MRC2: variants seen among roughly 807,000 people sequenced by gnomAD.
MRC2 encodes the protein mannose receptor C-type 2, also known as C-type mannose receptor 2.
A neutral mutation model predicts 206.2 loss-of-function variants in MRC2; 84 were observed. The ratio of observed to expected loss-of-function variants is 0.41; its 90% CI spans 0.34 to 0.49. MRC2 has a LOEUF of 0.49. MRC2 is among the 20% of genes least tolerant of loss of function. The probability of loss-of-function intolerance (pLI) is 0.31; values close to 1 mark genes in which losing one functional copy is unlikely to be tolerated. For missense variants in MRC2, 1,676 were observed against 2,001.5 expected (o/e 0.84, Z 3.10); for synonymous variants, 798 against 800.0 (o/e 1.00, Z 0.04).
In MRC2 at chr17:62,680,159, G is replaced by T. The variant is rs778876599; in HGVS notation, c.2299-11G>T. 1.9e-6 allele frequency: 3 copies of T among 1,613,846 alleles called. No individual in the cohort carries two copies. Among genetic ancestry groups the T allele is most frequent in the Non-Finnish European group, 8.5e-7 (1 of 1,179,958 alleles). ...CCTCACGTTCCTCTTCCCTCCACCCGCCTCCTCCAGTTCTCTTACCACAAT... is the reference window on the plus strand; with the variant it reads ...CCTCACGTTCCTCTTCCCTCCACCCTCCTCCTCCAGTTCTCTTACCACAAT... On this transcript the variant is annotated splice_polypyrimidine_tract_variant and intron_variant, in intron 14 of 29. Transcript: ENST00000303375. This position sits in a 1 kb window ranked among gnomAD's most constrained non-coding sequence, Gnocchi z 4.8.
intron 1 of MRC2, among the ~76,000 whole-genome samples, chr17:62,636,950 G>A (rs921009988): frequency 2.6e-5 from 4 of 152,190 alleles, no homozygotes; most frequent in Admixed American, 2.6e-4. Context: ...CCTTTGTGGT[G>A]TAATTTACAT....
chr17:62,659,875 G>A (rs1464705668), intron 1 of MRC2, among the ~76,000 whole-genome samples: 1 of 152,194 alleles, frequency 6.6e-6, no homozygotes, highest in Non-Finnish European at 1.5e-5. Context: ...GGTTGTTTGT[G>A]ATTATTATCT....
In MRC2 at chr17:62,669,804, C is replaced by T. The variant is rs146802881; in HGVS notation, c.1118-1845C>T. The stretch of plus-strand genomic sequence containing the variant: ...CTCCTGTCTTCAAGTGATTCACCCG[C>T]CTCGGCCTCCCAAAGTGCTGGAATT... On this transcript the variant is annotated intron_variant, in intron 6 of 29. Transcript: ENST00000303375. 5.9e-5 allele frequency among the ~76,000 whole-genome samples: 9 copies of T among 152,296 alleles called. No homozygotes were observed. In the East Asian group the frequency reaches 9.6e-4, roughly 16 times the overall value.
Position 62,666,010 on chromosome 17 carries a change from AG to A in MRC2, c.521-80del. On this transcript the variant is annotated intron_variant, in intron 2 of 29. Transcript: ENST00000303375. The surrounding 1 kb of genome is among the most constrained non-coding windows in gnomAD (Gnocchi z 5.0). Reference sequence around the variant, plus strand: ...GTGAACACCCAGCACTCTGGGTTTTAGGGGATTTCTCCTGAGGGTCGAGGGG... The same window carrying A: ...GTGAACACCCAGCACTCTGGGTTTTAGGGATTTCTCCTGAGGGTCGAGGGG... 4.2e-6 allele frequency: 6 copies of A among 1,413,262 alleles called. No homozygotes were observed. Among genetic ancestry groups the A allele is most frequent in the Non-Finnish European group, 5.7e-6 (6 of 1,049,752 alleles). The allele number at this position is 1,413,262 out of a possible 1,614,324, so 87.5% of individuals were successfully genotyped here.
intron 1 of MRC2, among the ~76,000 whole-genome samples, chr17:62,662,340 G>C (rs1158968599): frequency 6.6e-6 from 1 of 152,110 alleles, no homozygotes; most frequent in African/African-American, 2.4e-5. Context: ...GAGAGAACTT[G>C]AGATTTGGAC....
In MRC2 at chr17:62,667,223, C is replaced by T. The variant is rs978304477; in HGVS notation, c.974-167C>T. 1.3e-5 allele frequency among the ~76,000 whole-genome samples: 2 copies of T among 152,136 alleles called. No homozygotes were observed. Among genetic ancestry groups the T allele is most frequent in the African/African-American group, 4.8e-5 (2 of 41,432 alleles). On this transcript the variant is annotated intron_variant, in intron 5 of 29. Transcript: ENST00000303375. The surrounding 1 kb of genome is among the most constrained non-coding windows in gnomAD (Gnocchi z 4.1). ...CGACGTGCACCCAGGTTAGAAAGCGCGGAGGACCCCGTGGTCTGGGGCGGA... is the reference window on the plus strand; with the variant it reads ...CGACGTGCACCCAGGTTAGAAAGCGTGGAGGACCCCGTGGTCTGGGGCGGA...
chr17:62,675,418 T>G lies in MRC2; in HGVS notation c.1570-372T>G, dbSNP rs1372998958. Among the ~76,000 whole-genome samples the G allele has an allele frequency of 2.0e-5, 3 of 152,162 alleles. No homozygotes were observed. The highest frequency in any genetic ancestry group is 4.4e-5 in the Non-Finnish European group (3 of 68,020). ...CATCCCCTCTCCATCCTGGCAGCTC[T>G]CCCCAGCCTTTAGCTGTGGTTTCCC... On this transcript the variant is annotated intron_variant, in intron 9 of 29. Coordinates refer to ENST00000303375, the MANE Select transcript of MRC2 (RefSeq NM_006039.5). This position sits in a 1 kb window ranked among gnomAD's most constrained non-coding sequence, Gnocchi z 4.1.
At chr17:62,678,244 A>T (rs1408492921) in intron 12 of MRC2, among the ~76,000 whole-genome samples, 2 of 152,198 alleles carry the variant, frequency 1.3e-5, no homozygotes, top group African/African-American at 4.8e-5. Flanking sequence ...TACCCACGTT[A>T]AGCTGTGGCT....
At chr17:62,678,671 T>TAG (rs776884741) in intron 13 of MRC2, 25 bp downstream of exon 13, 97 of 1,600,456 alleles carry the variant, frequency 6.1e-5, no homozygotes, top group Admixed American at 1.6e-4. Context: ...TGAGGCGTGT[T>TAG]AGGAGGGCAC....
At chr17:62,687,754 G>A (rs185520444) in intron 20 of MRC2, among the ~76,000 whole-genome samples, 3 of 152,234 alleles carry the variant, frequency 2.0e-5, no homozygotes, top group Admixed American at 1.3e-4. Context: ...ATGGTGGTGG[G>A]CGCCTGCAGT....
chr17:62,674,490 C>T (rs1054934261), intron 9 of MRC2, among the ~76,000 whole-genome samples: 1 of 152,112 alleles, frequency 6.6e-6, no homozygotes, highest in Admixed American at 6.5e-5. Context: ...CCCTCAGAGT[C>T]CAGCCTAGTC....
At position 62,691,097 on chromosome 17, in the gene MRC2, C is replaced by T. The variant is rs1371237601; in HGVS notation, c.4161C>T (p.Ile1387=). The T allele has an allele frequency of 6.2e-7, 1 of 1,609,690 alleles. No individual in the cohort carries two copies. The highest frequency in any genetic ancestry group is 8.5e-7 in the Non-Finnish European group (1 of 1,178,700). Residue 1387 remains isoleucine (I), a synonymous_variant, in exon 28 of 30, where the codon ATC becomes ATT. Coordinates refer to ENST00000303375, the MANE Select transcript of MRC2 (RefSeq NM_006039.5). ...GLWRPGACTN[I]TMGVVCKLPR... ...GGCGCCCCGGCGCTTGCACCAACAT[C>T]ACCATGGGTGTCGTCTGCAAGCTTC... is the stretch of plus-strand genomic sequence containing the variant.
intron 1 of MRC2, among the ~76,000 whole-genome samples, chr17:62,663,259 C>T (rs1218216543): frequency 6.6e-6 from 1 of 151,208 alleles, no homozygotes; most frequent in Non-Finnish European, 1.5e-5. Context: ...TCCTTCCTCC[C>T]TAGTTTCTTC....
At chr17:62,643,327 C>CAAAAAAAAAAA (rs59698063) in intron 1 of MRC2, among the ~76,000 whole-genome samples, 7 of 44,068 alleles carry the variant, frequency 1.6e-4, no homozygotes, top group South Asian at 1.0e-3. Flanking sequence ...GAAACTCCGT[C>CAAAAAAAAAAA]AAAAAAAAAA....
intron 1 of MRC2, among the ~76,000 whole-genome samples, chr17:62,644,727 G>A (rs1472770869): frequency 6.6e-6 from 1 of 152,036 alleles, no homozygotes; most frequent in East Asian, 1.9e-4. Flanking sequence ...CCTGGAAGGT[G>A]GTGTTTTTCA....
chr17:62,674,208 C>G (rs2088861916), intron 9 of MRC2, 38 bp downstream of exon 9: 2 of 1,446,776 alleles, frequency 1.4e-6, no homozygotes, highest in Non-Finnish European at 1.9e-6. Context: ...GTGGGGCCAC[C>G]TGTCAGAGGG....
Position 62,681,837 on chromosome 17 carries a change from A to T in MRC2, c.2703A>T (p.Arg901Ser). ...LHTSESDGRF[R>S]WTDGSIINFI... ...TTACCTCTGCTCCATGCCATTGCAG[A>T]TGGACAGATGGTTCCATTATAAACT... is the stretch of plus-strand genomic sequence containing the variant. The change falls in exon 19 of 30, where the codon AGA (arginine) becomes AGT (serine). Residue 901 changes from arginine to serine, a missense_variant and splice_region_variant. Arg to Ser is a moderately radical substitution (Grantham distance 110). Transcript: ENST00000303375. 1 of 1,612,844 alleles carries T rather than the reference A, an allele frequency of 6.2e-7. No individual in the cohort carries two copies. The highest frequency in any genetic ancestry group is 1.3e-5 in the African/African-American group (1 of 75,020).
chr17:62,666,213 G>A lies in MRC2; in HGVS notation c.640G>A (p.Ala214Thr). The A allele has an allele frequency of 1.2e-6, 2 of 1,603,764 alleles. No individual in the cohort carries two copies. Among genetic ancestry groups the A allele is most frequent in the Non-Finnish European group, 1.7e-6 (2 of 1,175,400 alleles). The change falls in exon 3 of 30, where the codon GCC (alanine) becomes ACC (threonine). Residue 214 changes from alanine (A) to threonine (T), a missense_variant. Ala to Thr is a moderately conservative substitution (Grantham distance 58). Transcript: ENST00000303375. The surrounding 1 kb of genome is among the most constrained non-coding windows in gnomAD (Gnocchi z 5.0). ...CCGCGAGGATGGTCACCTGTGGTGT[G>A]CCACCACCCAGGACTACGGCAAAGA... ...TGREDGHLWC[A>T]TTQDYGKDER...
rs757099340 is a variant in MRC2, at chr17:62,682,294, G to A, written c.2863G>A (p.Val955Ile). The A allele has an allele frequency of 1.4e-5, 22 of 1,605,698 alleles. No homozygotes were observed. Among genetic ancestry groups the A allele is most frequent in the East Asian group, 4.5e-5 (2 of 44,626 alleles). ...GCCCTACATCTGCAAGCGCAGCAACGTCACCAAAGAAACGCAGCCCCCAGA... is the reference window on the plus strand; with the variant it reads ...GCCCTACATCTGCAAGCGCAGCAACATCACCAAAGAAACGCAGCCCCCAGA... ...ALPYICKRSN[V>I]TKETQPPDLP... is the part of the protein sequence containing the mutation. Residue 955 changes from valine (V) to isoleucine (I), a missense_variant, in exon 20 of 30, where the codon GTC becomes ATC. Physicochemically the swap from Val to Ile is conservative, Grantham distance 29. Around this residue, in one of 3 missense-constraint regions of MRC2, gnomAD observed 1,354 missense variants for 1,636.6 expected, o/e 0.83. Coordinates refer to ENST00000303375, the MANE Select transcript of MRC2 (RefSeq NM_006039.5).
Sources: allele counts gnomAD v4.1 joint callset (sites outside exome capture counted in the v4.1 genomes callset), GRCh38; gene constraint gnomAD v4.1.1; regional missense constraint gnomAD v4.1.1; non-coding constraint Gnocchi (gnomAD v3.1); transcripts MANE v1.5; gene names NCBI Gene and HGNC (gene_info 2026-07-23, HGNC 2026-07-21).